Variants in DLG5 observed in about 807,000 individuals in gnomAD.
The protein encoded by DLG5 is discs large MAGUK scaffold protein 5.
A neutral mutation model predicts 189.8 loss-of-function variants in DLG5; 48 were observed. The observed-to-expected ratio is 0.25, with a 90% CI of 0.20 to 0.32. The LOEUF is 0.32. DLG5 is among the 10% of genes least tolerant of loss of function. DLG5 has a pLI of 1.00. For synonymous variants in DLG5, 1,016 were observed against 1,054.1 expected, an observed-to-expected ratio of 0.96 and a Z score of 0.70; for missense variants, 2,160 against 2,544.7, an observed-to-expected ratio of 0.85 and a Z score of 3.25.
chr10:77,841,962 T>C lies in DLG5; in HGVS notation c.1356A>G (p.Glu452=), dbSNP rs563925589. The C allele has an allele frequency of 1.9e-6, 3 of 1,614,186 alleles. No individual in the cohort carries two copies. Among genetic ancestry groups the C allele is most frequent in the East Asian group, 4.5e-5 (2 of 44,884 alleles). The change falls in exon 7 of 32, where the codon GAA becomes GAG. Residue 452 remains glutamate (E), a synonymous_variant. Transcript: ENST00000372391. ...TGAGCTTGGACTCGGCCAGCTCCAC[T>C]TCGGTCTGCAGCTTGTCCAGCTCAG... ...VISELDKLQT[E]VELAESKLKS...
intron 1 of DLG5, among the ~76,000 whole-genome samples, chr10:77,879,220 G>C (rs1436331565): frequency 6.6e-6 from 1 of 152,156 alleles, no homozygotes; most frequent in African/African-American, 2.4e-5. Flanking sequence ...GAGACCTAGA[G>C]GAAGCGTGGA....
At chr10:77,803,151 C>A (rs74140347) in intron 27 of DLG5, among the ~76,000 whole-genome samples, 1,731 of 152,212 alleles carry the variant, frequency 0.011, 37 homozygotes, top group African/African-American at 0.039. Context: ...AAACAAAACA[C>A]ATGATTCATT....
At chr10:77,810,973 C>T in intron 23 of DLG5, 121 bp downstream of exon 23, 31 of 1,263,830 alleles carry the variant, frequency 2.5e-5, no homozygotes, top group Middle Eastern at 5.7e-4. Context: ...CTCCTGAAGA[C>T]CTGGTGTGCG....
intron 1 of DLG5, 134 bp from the exon 2 acceptor site, chr10:77,869,331 C>A: frequency 1.3e-6 from 1 of 787,296 alleles, no homozygotes; most frequent in Non-Finnish European, 2.1e-6. Context: ...ATCCACGGGC[C>A]AAGCAGAGGA....
At chr10:77,812,472 A>C (rs1174063628) in intron 20 of DLG5, 95 bp from the exon 21 acceptor site, 2 of 1,429,382 alleles carry the variant, frequency 1.4e-6, no homozygotes, top group Admixed American at 4.2e-5. Flanking sequence ...CTGACAGTGC[A>C]GAAAGGGCCC....
intron 2 of DLG5, among the ~76,000 whole-genome samples, chr10:77,860,888 C>A (rs931374393): frequency 6.6e-6 from 1 of 152,118 alleles, no homozygotes; most frequent in Non-Finnish European, 1.5e-5. Context: ...ATAAAATTTA[C>A]AAGATTAGAA....
intron 1 of DLG5, among the ~76,000 whole-genome samples, chr10:77,905,035 A>G (rs972068033): frequency 1.3e-5 from 2 of 148,868 alleles, no homozygotes; most frequent in Admixed American, 1.3e-4. Flanking sequence ...AGGCTGAGGA[A>G]GGAGAATCAC....
intron 22 of DLG5, 61 bp from the exon 23 acceptor site, chr10:77,811,295 T>G: frequency 6.4e-7 from 1 of 1,564,230 alleles, no homozygotes; most frequent in Admixed American, 1.8e-5. Flanking sequence ...CCACCCCCAC[T>G]CCTGTGGCAA....
chr10:77,816,630 T>C lies in DLG5; in HGVS notation c.3946A>G (p.Ser1316Gly). The C allele has an allele frequency of 6.2e-7, 1 of 1,614,168 alleles. No homozygotes were observed. The highest frequency in any genetic ancestry group is 8.5e-7 in the Non-Finnish European group (1 of 1,180,004). ...PLNIDTLSSC[S>G]QSQTSASTLP... ...GTGGAGGCTGAGGTCTGGGACTGGCTACAAGAGGACAGGGTGTCGATGTTC... is the reference window on the plus strand; with the variant it reads ...GTGGAGGCTGAGGTCTGGGACTGGCCACAAGAGGACAGGGTGTCGATGTTC... Residue 1316 changes from serine to glycine, a missense_variant, in exon 20 of 32, where the codon AGC (serine) becomes GGC (glycine). Ser to Gly is a moderately conservative substitution (Grantham distance 56). Coordinates refer to ENST00000372391, the MANE Select transcript of DLG5 (RefSeq NM_004747.4).
Position 77,856,777 on chromosome 10 carries a change from G to T in DLG5, c.489C>A (p.Leu163=), listed in dbSNP as rs779534747. Residue 163 remains leucine, a synonymous_variant, in exon 3 of 32, where the codon CTC becomes CTA. Transcript: ENST00000372391. ...LRLMTRERNE[L]RKRLAFATHG... ...GCGTAGCAAAGGCCAGGCGCTTGCG[G>T]AGCTCGTTTCTCTCCCGGGTCATCA... 1.9e-6 allele frequency: 3 copies of T among 1,613,600 alleles called. No individual in the cohort carries two copies. Among genetic ancestry groups the T allele is most frequent in the Non-Finnish European group, 2.5e-6 (3 of 1,180,018 alleles).
At chr10:77,815,355 A>G (rs1603641233) in intron 20 of DLG5, among the ~76,000 whole-genome samples, 1 of 152,090 alleles carries the variant, frequency 6.6e-6, no homozygotes, top group Admixed American at 6.5e-5. Flanking sequence ...TCAGATTTTC[A>G]AGTCAAATAT....
At chr10:77,867,248 C>A (rs574052611) in intron 2 of DLG5, 3 of 372,274 alleles carry the variant, frequency 8.1e-6, no homozygotes, top group South Asian at 2.0e-5. Flanking sequence ...TAGGCAAATA[C>A]CCCTCTCTGG....
intron 30 of DLG5, 146 bp downstream of exon 30, chr10:77,794,703 T>C: frequency 1.6e-6 from 1 of 638,194 alleles, no homozygotes; most frequent in South Asian, 2.0e-5. Context: ...GGAAGGGTCA[T>C]TTTCTACACG....
At chr10:77,915,066 C>A (rs1406621731) in intron 1 of DLG5, among the ~76,000 whole-genome samples, 2 of 152,162 alleles carry the variant, frequency 1.3e-5, no homozygotes, top group Admixed American at 1.3e-4. Flanking sequence ...CGGTGGCTTG[C>A]ACCTGTAATC....
At chr10:77,891,845 G>A (rs1378731465) in intron 1 of DLG5, among the ~76,000 whole-genome samples, 2 of 152,206 alleles carry the variant, frequency 1.3e-5, no homozygotes, top group Non-Finnish European at 2.9e-5. Context: ...GGAGCCATCC[G>A]GCTCTGCTGC....
At chr10:77,808,407 C>A (rs140694107) in intron 24 of DLG5, among the ~76,000 whole-genome samples, 106 of 152,300 alleles carry the variant, frequency 7.0e-4, no homozygotes, top group African/African-American at 2.4e-3. Context: ...GCTGGGACAA[C>A]AGGCACACTC....
chr10:77,918,761 C>T (rs185214577), intron 1 of DLG5, among the ~76,000 whole-genome samples: 124 of 152,306 alleles, frequency 8.1e-4, no homozygotes, highest in Non-Finnish European at 1.2e-3. Context: ...GCTGAACACA[C>T]ATAGCATCCC....
chr10:77,813,430 C>T (rs982060042), intron 20 of DLG5, among the ~76,000 whole-genome samples: 1 of 152,084 alleles, frequency 6.6e-6, no homozygotes, highest in African/African-American at 2.4e-5. Context: ...AATTAAAATT[C>T]TTCTTGAGTT....
intron 5 of DLG5, among the ~76,000 whole-genome samples, chr10:77,848,486 A>G (rs1425135445): frequency 1.3e-5 from 2 of 152,200 alleles, no homozygotes; most frequent in African/African-American, 2.4e-5. Flanking sequence ...CCCTGGTCCC[A>G]GGAATTCTAC....
Sources: allele counts gnomAD v4.1 joint callset (sites outside exome capture counted in the v4.1 genomes callset), GRCh38; gene constraint gnomAD v4.1.1; transcripts MANE v1.5; gene names NCBI Gene and HGNC (gene_info 2026-07-23, HGNC 2026-07-21).